The following MACROH2A2 variants were observed in gnomAD, a reference collection of about 807,000 sequenced individuals.
MACROH2A2 encodes core histone macro-H2A.2.
MACROH2A2 carries 6 observed loss-of-function variants against 37.6 expected under a neutral mutation model. The ratio of observed to expected loss-of-function variants is 0.16; its 90% CI spans 0.09 to 0.32. MACROH2A2 has a LOEUF of 0.32. Ranked by LOEUF, MACROH2A2 falls within the 10% of genes least tolerant of loss-of-function variation. The probability of loss-of-function intolerance (pLI) is 1.00; values close to 1 mark genes in which losing one functional copy is unlikely to be tolerated. For synonymous variants in MACROH2A2, 192 were observed against 202.7 expected, an observed-to-expected ratio of 0.95 and a Z score of 0.45; for missense variants, 290 against 485.9, an observed-to-expected ratio of 0.60 and a Z score of 3.79.
chr10:70,109,640 T>C (rs1168102069), intron 8 of MACROH2A2, among the ~76,000 whole-genome samples: 1 of 152,206 alleles, frequency 6.6e-6, no homozygotes, highest in Non-Finnish European at 1.5e-5. Context: ...CAGTGACCGA[T>C]GTCAGAATGC....
intron 6 of MACROH2A2, among the ~76,000 whole-genome samples, chr10:70,096,617 T>C (rs879745222): frequency 2.6e-5 from 4 of 152,118 alleles, no homozygotes; most frequent in Non-Finnish European, 5.9e-5. Flanking sequence ...AACAGCATGC[T>C]AACAGTCCCC....
At chr10:70,067,166 T>TGTGACCAGAGGCTTGTAGGAGC (rs1433259806) in intron 1 of MACROH2A2, among the ~76,000 whole-genome samples, 79 of 152,320 alleles carry the variant, frequency 5.2e-4, no homozygotes, top group African/African-American at 1.9e-3. Context: ...GATGAAATGT[T>TGTGACCAGAGGCTTGTAGGAGC]GTGACCAGAG....
rs373860064 is a variant in MACROH2A2, at chr10:70,109,213, A to G, written c.953+6A>G. The G allele has an allele frequency of 3.2e-5, 51 of 1,612,122 alleles. No homozygotes were observed. The highest frequency in any genetic ancestry group is 4.2e-5 in the Non-Finnish European group (50 of 1,178,770). ...CCGCCTTTCCCCAGCGGCAGGTAAG[A>G]TGCAGTTCCCCTGAGTTGATTCCTC... On this transcript the variant is annotated splice_donor_region_variant and intron_variant, in intron 8 of 8. Transcript: ENST00000373255.
At chr10:70,068,528 G>A (rs1266093956) in intron 1 of MACROH2A2, among the ~76,000 whole-genome samples, 2 of 152,198 alleles carry the variant, frequency 1.3e-5, no homozygotes, top group Admixed American at 1.3e-4. Flanking sequence ...CAGGTACCCA[G>A]ACCTTGGAGT....
rs772690672 is a variant in MACROH2A2 at position 70,111,689 on chromosome 10, G to A, written c.*6G>A. The A allele has an allele frequency of 1.7e-5, 27 of 1,599,436 alleles. No homozygotes were observed. The highest frequency in any genetic ancestry group is 1.9e-4 in the Middle Eastern group (1 of 5,372). On this transcript the variant is annotated 3_prime_UTR_variant, in exon 9 of 9. Coordinates refer to ENST00000373255, the MANE Select transcript of MACROH2A2 (RefSeq NM_018649.3). ...CCAAGCTCGACGCCAAGTAGCCGCC[G>A]CACTTTCCAGCAGGGATCGGAGGAC...
At chr10:70,093,492 T>A (rs893344080) in intron 4 of MACROH2A2, among the ~76,000 whole-genome samples, 2 of 152,222 alleles carry the variant, frequency 1.3e-5, no homozygotes, top group Non-Finnish European at 2.9e-5. Flanking sequence ...TGCACAGGGG[T>A]AGGTGAGGAC....
intron 1 of MACROH2A2, among the ~76,000 whole-genome samples, chr10:70,061,898 T>C (rs1233946113): frequency 6.6e-6 from 1 of 152,216 alleles, no homozygotes; most frequent in Non-Finnish European, 1.5e-5. Flanking sequence ...GACGATAAAA[T>C]TATTGACTAT....
chr10:70,096,431 G>A (rs978672175), intron 6 of MACROH2A2, among the ~76,000 whole-genome samples: 2 of 152,138 alleles, frequency 1.3e-5, no homozygotes, highest in Non-Finnish European at 2.9e-5. Flanking sequence ...AATATTGAGA[G>A]TGCTATTGAT....
At chr10:70,078,339 GC>G (rs2072153120) in intron 2 of MACROH2A2, among the ~76,000 whole-genome samples, 1 of 152,178 alleles carries the variant, frequency 6.6e-6, no homozygotes, top group Non-Finnish European at 1.5e-5. Context: ...AAGTCCTCCT[GC>G]CCCCGGCCAG....
At chr10:70,064,012 T>C (rs1741846114) in intron 1 of MACROH2A2, among the ~76,000 whole-genome samples, 1 of 152,208 alleles carries the variant, frequency 6.6e-6, no homozygotes, top group South Asian at 2.1e-4. Flanking sequence ...TAGAAGAGTT[T>C]CCAGCAATTT....
chr10:70,101,014 C>T (rs2072303597), intron 7 of MACROH2A2, among the ~76,000 whole-genome samples: 1 of 152,194 alleles, frequency 6.6e-6, no homozygotes, highest in Non-Finnish European at 1.5e-5. Context: ...TTGATATCAC[C>T]TCACACAGAA....
chr10:70,065,829 G>GA (rs567180763), intron 1 of MACROH2A2, among the ~76,000 whole-genome samples: 2 of 151,658 alleles, frequency 1.3e-5, no homozygotes, highest in Admixed American at 6.6e-5. Context: ...AGACATAATA[G>GA]AAAAAAAATC....
chr10:70,064,520 T>C (rs2072068011), intron 1 of MACROH2A2, among the ~76,000 whole-genome samples: 1 of 152,034 alleles, frequency 6.6e-6, no homozygotes, highest in African/African-American at 2.4e-5. Context: ...GGTTTGGCTG[T>C]GTCCTCATCC....
intron 2 of MACROH2A2, among the ~76,000 whole-genome samples, chr10:70,084,548 A>C (rs749596204): frequency 3.3e-4 from 50 of 152,190 alleles, no homozygotes; most frequent in Non-Finnish European, 6.2e-4. Context: ...AGCCTTGGTA[A>C]CAGAGCAAGA....
At chr10:70,064,988 T>G (rs1564540568) in intron 1 of MACROH2A2, among the ~76,000 whole-genome samples, 2 of 152,014 alleles carry the variant, frequency 1.3e-5, no homozygotes, top group African/African-American at 4.8e-5. Flanking sequence ...AAAGCTCTTC[T>G]ATCTGCCTAT....
At chr10:70,078,668 CCTCT>C in intron 2 of MACROH2A2, among the ~76,000 whole-genome samples, 1 of 152,322 alleles carries the variant, frequency 6.6e-6, no homozygotes, top group East Asian at 1.9e-4. Flanking sequence ...TCTCCTCCCC[CCTCT>C]ATTAAGAGCT....
intron 1 of MACROH2A2, among the ~76,000 whole-genome samples, chr10:70,058,303 GAGTA>G (rs1259727665): frequency 6.6e-6 from 1 of 152,154 alleles, no homozygotes; most frequent in Non-Finnish European, 1.5e-5. Flanking sequence ...ACTTGGAATG[GAGTA>G]AGTAATTCAA....
intron 3 of MACROH2A2, among the ~76,000 whole-genome samples, chr10:70,090,868 T>A (rs1385712806): frequency 6.6e-6 from 1 of 152,256 alleles, no homozygotes; most frequent in Non-Finnish European, 1.5e-5. Flanking sequence ...ACTTCTGTTG[T>A]CACTGACGGG....
At chr10:70,105,445 G>A (rs2072331521) in intron 7 of MACROH2A2, among the ~76,000 whole-genome samples, 1 of 152,196 alleles carries the variant, frequency 6.6e-6, no homozygotes, top group Non-Finnish European at 1.5e-5. Context: ...AGCCAAGTGT[G>A]GAGACAGAGG....
Sources: gnomAD v4.1 joint callset for allele counts (sites outside exome capture counted in the v4.1 genomes callset) on GRCh38, gnomAD v4.1.1 for gene constraint, MANE v1.5 for transcripts, NCBI Gene and HGNC (gene_info 2026-07-23, HGNC 2026-07-21) for gene names.